Variants in ADCY10 observed in about 807,000 individuals in gnomAD.
ADCY10 encodes adenylate cyclase 10.
A neutral mutation model predicts 183.3 loss-of-function variants in ADCY10; 156 were observed. That is an observed-to-expected ratio of 0.85 (90% CI 0.75 to 0.97). The LOEUF is 0.97. ADCY10 is among the 50% of genes least tolerant of loss of function. The probability of loss-of-function intolerance (pLI) is 0.00; values close to 1 mark genes in which losing one functional copy is unlikely to be tolerated. For synonymous variants in ADCY10, 645 were observed against 670.0 expected, an observed-to-expected ratio of 0.96 and a Z score of 0.58; for missense variants, 1,745 against 1,934.3, an observed-to-expected ratio of 0.90 and a Z score of 1.84.
rs138011784 is a variant in ADCY10, at chr1:167,900,505, T to C, written c.437-877A>G. ...ATATTCAGTATTATAATAACTTTGA[T>C]TTTTTTTTCAACAAAATATTTAACT... On this transcript the variant is annotated intron_variant, in intron 5 of 32. Transcript: ENST00000367851. Among the ~76,000 whole-genome samples, 505 of 151,564 alleles carry C rather than the reference T, an allele frequency of 3.3e-3. 3 individuals are homozygous for C. The highest frequency in any genetic ancestry group is 0.012 in the African/African-American group (492 of 41,308).
chr1:167,870,623 C>CCT (rs1193289812), intron 13 of ADCY10, among the ~76,000 whole-genome samples: 1 of 142,070 alleles, frequency 7.0e-6, no homozygotes, highest in Non-Finnish European at 1.5e-5. Flanking sequence ...TGAAACCCTG[C>CCT]CTCTACTGAA....
intron 18 of ADCY10, among the ~76,000 whole-genome samples, chr1:167,853,456 A>G (rs930996344): frequency 3.9e-5 from 6 of 152,176 alleles, no homozygotes; most frequent in Non-Finnish European, 7.4e-5. Flanking sequence ...TTTGCCTCAC[A>G]TGTTCAAGAC....
chr1:167,864,368 A>G (rs777075896), intron 14 of ADCY10, among the ~76,000 whole-genome samples: 2 of 152,192 alleles, frequency 1.3e-5, no homozygotes, highest in Non-Finnish European at 2.9e-5. Flanking sequence ...AACTTTGTGT[A>G]AAATAGACTG....
At chr1:167,901,916 G>T in intron 4 of ADCY10, 100 bp downstream of exon 4, 1 of 1,605,492 alleles carries the variant, frequency 6.2e-7, no homozygotes, top group Non-Finnish European at 8.5e-7. Context: ...CTATCTCCTG[G>T]CCACTCCCTT....
chr1:167,847,497 C>T (rs560534858), intron 19 of ADCY10, among the ~76,000 whole-genome samples: 1 of 151,880 alleles, frequency 6.6e-6, no homozygotes, highest in Non-Finnish European at 1.5e-5. Context: ...CTCACTGCAA[C>T]CTCCGCCTCC....
intron 1 of ADCY10, among the ~76,000 whole-genome samples, chr1:167,907,015 T>C (rs1669866402): frequency 6.6e-6 from 1 of 152,310 alleles, no homozygotes; most frequent in African/African-American, 2.4e-5. Flanking sequence ...TTGAAAAGTA[T>C]AACAAGCATT....
At chr1:167,856,638 G>A (rs1665923639) in intron 16 of ADCY10, among the ~76,000 whole-genome samples, 199 bp from the exon 17 acceptor site, 1 of 152,208 alleles carries the variant, frequency 6.6e-6, no homozygotes, top group Non-Finnish European at 1.5e-5. Context: ...TATTTGGACA[G>A]AGCTGGCTGG....
chr1:167,862,101 C>A (rs1184375813), intron 14 of ADCY10, among the ~76,000 whole-genome samples: 1 of 152,214 alleles, frequency 6.6e-6, no homozygotes, highest in Non-Finnish European at 1.5e-5. Flanking sequence ...ACGACTAACA[C>A]ATTATCTCTC....
chr1:167,874,687 C>T (rs979876390), intron 13 of ADCY10, among the ~76,000 whole-genome samples: 1 of 152,120 alleles, frequency 6.6e-6, no homozygotes, highest in African/African-American at 2.4e-5. Context: ...CAATATTATT[C>T]ATAAGAACCA....
chr1:167,868,553 G>T (rs203817), intron 14 of ADCY10, among the ~76,000 whole-genome samples: 1 of 151,918 alleles, frequency 6.6e-6, no homozygotes, highest in South Asian at 2.1e-4. Context: ...GAATTCCACC[G>T]GGACTAGACA....
intron 17 of ADCY10, among the ~76,000 whole-genome samples, chr1:167,855,795 T>A (rs1190119423): frequency 6.6e-6 from 1 of 152,136 alleles, no homozygotes; most frequent in Non-Finnish European, 1.5e-5. Context: ...GAGGATTGCT[T>A]GAGCCCAGGA....
intron 1 of ADCY10, among the ~76,000 whole-genome samples, chr1:167,905,885 A>C (rs1669776892): frequency 6.6e-6 from 1 of 152,226 alleles, no homozygotes. Context: ...CTGCTGGGGC[A>C]GATTAAATGC....
At chr1:167,868,218 C>T (rs1472487167) in intron 14 of ADCY10, among the ~76,000 whole-genome samples, 1 of 152,110 alleles carries the variant, frequency 6.6e-6, no homozygotes, top group East Asian at 1.9e-4. Flanking sequence ...AATGTCACCT[C>T]ATGTTACGTT....
At chr1:167,863,235 C>T (rs1384331982) in intron 14 of ADCY10, among the ~76,000 whole-genome samples, 1 of 152,168 alleles carries the variant, frequency 6.6e-6, no homozygotes, top group Non-Finnish European at 1.5e-5. Context: ...AGTTAAAATT[C>T]GACCCCTGAC....
At chr1:167,813,631 G>T (rs1329078558) in intron 31 of ADCY10, among the ~76,000 whole-genome samples, 2 of 152,176 alleles carry the variant, frequency 1.3e-5, no homozygotes, top group Non-Finnish European at 2.9e-5. Context: ...TAAATACATG[G>T]ACAATTAAGT....
At chr1:167,906,378 G>A (rs1669817230) in intron 1 of ADCY10, among the ~76,000 whole-genome samples, 1 of 151,476 alleles carries the variant, frequency 6.6e-6, no homozygotes, top group African/African-American at 2.4e-5. Flanking sequence ...AAAAAAAAAG[G>A]GTAGCATTAA....
At chr1:167,897,656 AC>A (rs201196521) in intron 6 of ADCY10, among the ~76,000 whole-genome samples, 2,582 of 60,428 alleles carry the variant, frequency 0.043, 1,291 homozygotes, top group African/African-American at 0.056. Context: ...CTGCAAGACA[AC>A]GGAACCACTG....
At chr1:167,875,886 GAGCT>G (rs1255473090) in intron 12 of ADCY10, among the ~76,000 whole-genome samples, 1 of 152,126 alleles carries the variant, frequency 6.6e-6, no homozygotes, top group Admixed American at 6.5e-5. Context: ...CCGGGAGGGG[GAGCT>G]TGCAGTGAGC....
intron 1 of ADCY10, among the ~76,000 whole-genome samples, chr1:167,913,398 A>G (rs754121261): frequency 6.6e-6 from 1 of 152,216 alleles, no homozygotes. Context: ...AGGTTTCACG[A>G]GTCCAAAGAG....
Sources: gnomAD v4.1 joint callset for allele counts (sites outside exome capture counted in the v4.1 genomes callset) on GRCh38, gnomAD v4.1.1 for gene constraint, MANE v1.5 for transcripts, NCBI Gene and HGNC (gene_info 2026-07-23, HGNC 2026-07-21) for gene names.